The following STPG2 variants were observed in gnomAD, a reference collection of about 807,000 sequenced individuals.
STPG2 encodes the protein sperm tail PG-rich repeat containing 2.
STPG2 carries 56 observed loss-of-function variants against 54.2 expected under a neutral mutation model. The observed-to-expected ratio is 1.03, with a 90% CI of 0.83 to 1.29. The LOEUF is 1.29. Among genes scored for constraint, STPG2 ranks in the 50% most tolerant of loss-of-function variants. The pLI is 0.00. For synonymous variants in STPG2, 200 were observed against 181.8 expected (o/e 1.10, Z -0.81); for missense variants, 596 against 544.9 (o/e 1.09, Z -0.93).
At chr4:98,102,829 T>TTAATA (rs3047472) in intron 5 of STPG2, among the ~76,000 whole-genome samples, 58,514 of 147,848 alleles carry the variant, frequency 0.4, 11,760 homozygotes, top group African/African-American at 0.45. Flanking sequence ...ATAACATATA[T>TTAATA]TAATATATAA....
intron 8 of STPG2, among the ~76,000 whole-genome samples, chr4:97,926,347 T>C (rs13148363): frequency 0.38 from 57,392 of 151,964 alleles, 10,919 homozygotes; most frequent in Middle Eastern, 0.46. Context: ...AATTCCCTTG[T>C]TTTTCTACTC....
chr4:98,002,445 C>T (rs568109729), intron 5 of STPG2, among the ~76,000 whole-genome samples: 47 of 151,864 alleles, frequency 3.1e-4, no homozygotes, highest in Non-Finnish European at 4.9e-4. Flanking sequence ...AAGAAGTATA[C>T]GGAGGATGGG....
At chr4:97,520,086 A>G (rs1285223428) in intron 4 of STPG2, among the ~76,000 whole-genome samples, 1 of 152,110 alleles carries the variant, frequency 6.6e-6, no homozygotes, top group Non-Finnish European at 1.5e-5. Context: ...AAAAACCATA[A>G]GAAGAGTAAA....
chr4:97,471,572 T>C (rs924771475), intron 4 of STPG2, among the ~76,000 whole-genome samples: 3 of 152,106 alleles, frequency 2.0e-5, no homozygotes, highest in African/African-American at 7.2e-5. Flanking sequence ...TCCATAGATA[T>C]TCTGAGAAGG....
intron 8 of STPG2, chr4:97,917,245 C>T (rs114765009): frequency 3.1e-3 from 478 of 152,576 alleles, no homozygotes; most frequent in Non-Finnish European, 5.0e-3. Context: ...ACTGTGACCT[C>T]GTGAGGCCTG....
At chr4:98,085,196 T>C (rs570637473) in intron 5 of STPG2, among the ~76,000 whole-genome samples, 44 of 152,212 alleles carry the variant, frequency 2.9e-4, no homozygotes, top group Non-Finnish European at 6.0e-4. Context: ...GTGCAAAGAC[T>C]TTCCATCCTC....
At chr4:98,094,120 C>A (rs1738773831) in intron 5 of STPG2, among the ~76,000 whole-genome samples, 1 of 152,266 alleles carries the variant, frequency 6.6e-6, no homozygotes, top group African/African-American at 2.4e-5. Flanking sequence ...CAATCCCAGG[C>A]AGTGCAGCTT....
At chr4:97,757,600 C>T (rs1179729060) in intron 9 of STPG2, among the ~76,000 whole-genome samples, 10 of 152,136 alleles carry the variant, frequency 6.6e-5, no homozygotes, top group Non-Finnish European at 1.5e-4. Flanking sequence ...TAACACAAAA[C>T]AATAGATCTT....
At chr4:97,935,946 T>C (rs909421368) in intron 8 of STPG2, among the ~76,000 whole-genome samples, 3 of 152,140 alleles carry the variant, frequency 2.0e-5, no homozygotes, top group African/African-American at 7.2e-5. Context: ...TAATTTTCTG[T>C]CTTGATGATC....
chr4:97,731,356 C>T (rs1461144332), intron 9 of STPG2, among the ~76,000 whole-genome samples: 1 of 152,024 alleles, frequency 6.6e-6, no homozygotes, highest in Non-Finnish European at 1.5e-5. Context: ...TGTTCGGTGG[C>T]GTCATTTAGG....
rs1731608208 is a variant in STPG2, at chr4:97,909,767, T to C, written c.1044+34130A>G. Among the ~76,000 whole-genome samples the C allele has an allele frequency of 1.3e-5, 2 of 152,092 alleles. 1 individual carries two copies. The highest frequency in any genetic ancestry group is 4.1e-4 in the South Asian group (2 of 4,834). The stretch of plus-strand genomic sequence containing the variant: ...AATATATTCCTAATATAACACTTGA[T>C]AAACTAGAAATAGAAGCAGACTTCT... On this transcript the variant is annotated intron_variant, in intron 8 of 10. Coordinates refer to ENST00000295268, the MANE Select transcript of STPG2 (RefSeq NM_174952.3).
At chr4:98,049,756 A>AT (rs35052314) in intron 5 of STPG2, among the ~76,000 whole-genome samples, 59,898 of 151,992 alleles carry the variant, frequency 0.39, 12,025 homozygotes, top group Middle Eastern at 0.46. Context: ...CTAATAAATA[A>AT]TAGGTCTAGA....
rs181424966 is a variant in STPG2, at chr4:97,847,954, T to C, written c.1045-7022A>G. ...CTGGCATGAGCTCCAAAATACTTAT[T>C]ACGTGGCAGTTGTACTAACTGCTTA... On this transcript the variant is annotated intron_variant, in intron 8 of 10. Transcript: ENST00000295268. Among the ~76,000 whole-genome samples the C allele has an allele frequency of 1.4e-4, 21 of 152,324 alleles. No individual in the cohort carries two copies. The East Asian group carries it at 3.7e-3, about 27-fold the overall frequency.
chr4:97,639,722 G>A (rs1014731204), intron 10 of STPG2, among the ~76,000 whole-genome samples: 83 of 151,906 alleles, frequency 5.5e-4, no homozygotes, highest in African/African-American at 1.9e-3. Context: ...CTGTGACAGC[G>A]AATTTGGGAA....
At chr4:97,460,292 A>G (rs1374893981) in intron 4 of STPG2, among the ~76,000 whole-genome samples, 1 of 151,780 alleles carries the variant, frequency 6.6e-6, no homozygotes, top group Non-Finnish European at 1.5e-5. Flanking sequence ...TTTTCTATTT[A>G]TTACAATAGG....
chr4:97,601,711 G>T (rs531749656), intron 10 of STPG2, among the ~76,000 whole-genome samples: 1 of 151,842 alleles, frequency 6.6e-6, no homozygotes, highest in Admixed American at 6.6e-5. Context: ...CTCACTGATT[G>T]AATTACTATT....
At chr4:97,888,819 G>A (rs1730670690) in intron 8 of STPG2, among the ~76,000 whole-genome samples, 1 of 152,144 alleles carries the variant, frequency 6.6e-6, no homozygotes, top group African/African-American at 2.4e-5. Flanking sequence ...AACCCCCAGT[G>A]TTGAAGGTGG....
In STPG2 at chr4:98,115,398, A is replaced by G. The variant is rs190557086; in HGVS notation, c.388-6093T>C. Among the ~76,000 whole-genome samples, 215 of 152,142 alleles carry G rather than the reference A, an allele frequency of 1.4e-3. 1 individual carries two copies. The highest frequency in any genetic ancestry group is 5.0e-3 in the African/African-American group (208 of 41,558). ...TTCTAATAGTTACCTGGGCTCTTCT[A>G]AAAGAAGAAAGAAGCTAAACTTTAT... is the stretch of plus-strand genomic sequence containing the variant. On this transcript the variant is annotated intron_variant, in intron 3 of 10. Coordinates refer to ENST00000295268, the MANE Select transcript of STPG2 (RefSeq NM_174952.3).
chr4:97,488,320 A>G (rs2148825687), intron 4 of STPG2, among the ~76,000 whole-genome samples: 1 of 151,836 alleles, frequency 6.6e-6, no homozygotes, highest in East Asian at 1.9e-4. Flanking sequence ...AGCACTTCAA[A>G]TACATTAATT....
Sources: gnomAD v4.1 joint callset for allele counts (sites outside exome capture counted in the v4.1 genomes callset) on GRCh38, gnomAD v4.1.1 for gene constraint, MANE v1.5 for transcripts, NCBI Gene and HGNC (gene_info 2026-07-23, HGNC 2026-07-21) for gene names.